Variants in ARHGEF11 observed in about 807,000 individuals in gnomAD.
The protein encoded by ARHGEF11 is Rho guanine nucleotide exchange factor 11, also known as Rho guanine exchange factor (GEF) 11.
Under a neutral mutation model 193.7 loss-of-function variants are expected in ARHGEF11, and 55 were observed. That is an observed-to-expected ratio of 0.28 (90% CI 0.23 to 0.36). The LOEUF (loss-of-function observed/expected upper bound fraction) is 0.36. ARHGEF11 is among the 10% of genes least tolerant of loss of function. The pLI is 1.00. For synonymous variants in ARHGEF11, 693 were observed against 768.0 expected (o/e 0.90, Z 1.62); for missense variants, 1,723 against 2,005.6 (o/e 0.86, Z 2.69).
Position 156,944,511 on chromosome 1 carries a change from C to T in ARHGEF11, c.2992-78G>A, listed in dbSNP as rs1657759892. 2.1e-5 allele frequency: 31 copies of T among 1,476,502 alleles called. No homozygotes were observed. In the South Asian group the frequency reaches 3.5e-4, roughly 17 times the overall value. The allele number at this position is 1,476,502 out of a possible 1,614,324, so 91.5% of individuals were successfully genotyped here. ...GTTTGAGAGCCTACTGTGTGCCAGACATTGTGTTAAGGTGCTGGGAATTGG... is the reference window on the plus strand; with the variant it reads ...GTTTGAGAGCCTACTGTGTGCCAGATATTGTGTTAAGGTGCTGGGAATTGG... On this transcript the variant is annotated intron_variant, in intron 30 of 40. Transcript: ENST00000368194.
At chr1:156,992,603 A>G (rs955673513) in intron 1 of ARHGEF11, among the ~76,000 whole-genome samples, 4 of 146,986 alleles carry the variant, frequency 2.7e-5, no homozygotes, top group African/African-American at 5.0e-5. Flanking sequence ...GTGTATATAT[A>G]TGTGTGTGTG....
chr1:156,951,231 C>A (rs1286027865), intron 22 of ARHGEF11, among the ~76,000 whole-genome samples: 1 of 152,228 alleles, frequency 6.6e-6, no homozygotes, highest in Non-Finnish European at 1.5e-5. Context: ...CCACTATAGT[C>A]TTCCTTATCC....
At chr1:156,989,011 G>T (rs1665340473) in intron 1 of ARHGEF11, among the ~76,000 whole-genome samples, 1 of 152,096 alleles carries the variant, frequency 6.6e-6, no homozygotes, top group African/African-American at 2.4e-5. Context: ...GGGTAGTTTG[G>T]CCTGAAATGG....
intron 1 of ARHGEF11, among the ~76,000 whole-genome samples, chr1:157,013,306 A>C (rs1668800843): frequency 2.5e-5 from 1 of 40,466 alleles, no homozygotes; most frequent in Non-Finnish European, 7.0e-5. Context: ...CACACCAAGA[A>C]CCTTCTCCGG....
chr1:156,956,931 A>G (rs1223924258), intron 18 of ARHGEF11, among the ~76,000 whole-genome samples: 1 of 152,166 alleles, frequency 6.6e-6, no homozygotes, highest in Non-Finnish European at 1.5e-5. Flanking sequence ...GATGTGGAGG[A>G]CTGGCTGAGG....
In ARHGEF11 at chr1:156,963,552, C is replaced by T. The variant is rs1369189179; in HGVS notation, c.1006G>A (p.Glu336Lys). The T allele has an allele frequency of 1.2e-5, 19 of 1,614,078 alleles. No individual in the cohort carries two copies. The highest frequency in any genetic ancestry group is 1.3e-5 in the Non-Finnish European group (15 of 1,180,000). Residue 336 changes from glutamate to lysine, a missense_variant, in exon 12 of 41, where the codon GAA becomes AAA. Glu to Lys is a moderately conservative substitution (Grantham distance 56). Transcript: ENST00000368194. ...SPKPLIIGPEEDYDPGYFNNE... is the reference protein window; with the variant it reads ...SPKPLIIGPEKDYDPGYFNNE... ...TTGAAATAACCCGGGTCATAGTCTTCCTCTGGGCCAATAATTAAAGGCTTT... is the reference window on the plus strand; with the variant it reads ...TTGAAATAACCCGGGTCATAGTCTTTCTCTGGGCCAATAATTAAAGGCTTT...
At position 157,021,942 on chromosome 1, in the gene ARHGEF11, C is replaced by T. The variant is rs539453831; in HGVS notation, c.32+22357G>A. On this transcript the variant is annotated intron_variant, in intron 1 of 40. Coordinates refer to ENST00000368194, the MANE Select transcript of ARHGEF11 (RefSeq NM_198236.3). ...CATACTATATTAAGAGATTGAAGAA[C>T]AAAACCATGATCATCTCAATAGATG... Among the ~76,000 whole-genome samples, 4 of 152,258 alleles carry T rather than the reference C, an allele frequency of 2.6e-5. No homozygotes were observed. The South Asian group carries it at 8.3e-4, about 32-fold the overall frequency.
rs576478602 is a variant in ARHGEF11, at chr1:157,037,671, C to T, written c.32+6628G>A. Among the ~76,000 whole-genome samples, 3 of 152,254 alleles carry T rather than the reference C, an allele frequency of 2.0e-5. No homozygotes were observed. The South Asian group carries it at 6.2e-4, about 32-fold the overall frequency. On this transcript the variant is annotated intron_variant, in intron 1 of 40. Transcript: ENST00000368194. Reference sequence around the variant, plus strand: ...TAAATGTACCTTTTGGTGTACATAACGATTCAGCAATTATGTACCATCTTT... The same window carrying T: ...TAAATGTACCTTTTGGTGTACATAATGATTCAGCAATTATGTACCATCTTT...
chr1:157,035,793 A>AATAT (rs199990098), intron 1 of ARHGEF11, among the ~76,000 whole-genome samples: 13 of 124,158 alleles, frequency 1.0e-4, no homozygotes, highest in Non-Finnish European at 1.6e-4. Context: ...TATATATAGG[A>AATAT]ATATATATAC....
At chr1:157,032,398 C>A (rs1671414241) in intron 1 of ARHGEF11, among the ~76,000 whole-genome samples, 1 of 152,206 alleles carries the variant, frequency 6.6e-6, no homozygotes, top group Admixed American at 6.5e-5. Context: ...TCTGGAAGCA[C>A]AGAATGCCAG....
rs1340604437 is a variant in ARHGEF11 at position 156,940,387 on chromosome 1, C to G, written c.3553G>C (p.Val1185Leu). 1 of 1,612,402 alleles carries G rather than the reference C, an allele frequency of 6.2e-7. No homozygotes were observed. Among genetic ancestry groups the G allele is most frequent in the East Asian group, 2.2e-5 (1 of 44,842 alleles). Residue 1185 changes from valine to leucine, a missense_variant, in exon 36 of 41, where the codon GTC (valine) becomes CTC (leucine). Val to Leu is a conservative substitution (Grantham distance 32). This residue lies in a region of ARHGEF11 where 203 missense variants were observed against 237.3 expected (regional missense o/e 0.86). Transcript: ENST00000368194. Reference protein sequence around the residue: ...SQQRVQGKHQVLLEDPEQEGS... With the variant: ...SQQRVQGKHQLLLEDPEQEGS... ...TCCTGCTCAGGGTCCTCTAGCAGGACCTGGTGCTTCCCTTGGACCCTCTGC... is the reference window on the plus strand; with the variant it reads ...TCCTGCTCAGGGTCCTCTAGCAGGAGCTGGTGCTTCCCTTGGACCCTCTGC...
chr1:156,945,273 A>G, intron 29 of ARHGEF11, 76 bp from the exon 30 acceptor site: 2 of 1,503,704 alleles, frequency 1.3e-6, no homozygotes, highest in Non-Finnish European at 1.8e-6. Context: ...TTATCTGCCT[A>G]TTCATCCATG....
At position 156,939,484 on chromosome 1, in the gene ARHGEF11, C is replaced by G. The variant is rs115935778; in HGVS notation, c.4096+64G>C. On this transcript the variant is annotated intron_variant, in intron 37 of 40. Coordinates refer to ENST00000368194, the MANE Select transcript of ARHGEF11 (RefSeq NM_198236.3). ...GAGTATAGGGAAGGAAGCAGCTGTTCGGAAGACTTATCTCACCTAGCAAGG... is the reference window on the plus strand; with the variant it reads ...GAGTATAGGGAAGGAAGCAGCTGTTGGGAAGACTTATCTCACCTAGCAAGG... The G allele has an allele frequency of 6.9e-6, 11 of 1,597,362 alleles. No homozygotes were observed. In the East Asian group the frequency reaches 2.5e-4, roughly 36 times the overall value.
chr1:156,998,206 C>G lies in ARHGEF11; in HGVS notation c.33-12033G>C, dbSNP rs981017647. Among the ~76,000 whole-genome samples, 4 of 152,318 alleles carry G rather than the reference C, an allele frequency of 2.6e-5. No individual in the cohort carries two copies. The South Asian group carries it at 8.3e-4, about 32-fold the overall frequency. The stretch of plus-strand genomic sequence containing the variant: ...CCCGGCTCTGAGGGCACCATCTTCA[C>G]CCCTTAGTAGAACAATCCAGCACTG... On this transcript the variant is annotated intron_variant, in intron 1 of 40. Transcript: ENST00000368194.
chr1:157,043,080 G>A (rs1274680778), intron 1 of ARHGEF11, among the ~76,000 whole-genome samples: 1 of 152,162 alleles, frequency 6.6e-6, no homozygotes, highest in African/African-American at 2.4e-5. Flanking sequence ...GGGACTCTGA[G>A]GCAATACAGA....
chr1:157,006,225 G>A (rs1377264533), intron 1 of ARHGEF11, among the ~76,000 whole-genome samples: 1 of 151,982 alleles, frequency 6.6e-6, no homozygotes. Flanking sequence ...TCCTGCCTTA[G>A]ACTCCCAAAG....
At position 156,978,306 on chromosome 1, in the gene ARHGEF11, T is replaced by G; in HGVS notation, c.408A>C (p.Pro136=). Residue 136 remains proline, a synonymous_variant, in exon 6 of 41, where the codon CCA becomes CCC. Coordinates refer to ENST00000368194, the MANE Select transcript of ARHGEF11 (RefSeq NM_198236.3). ...TGATTCGGGGAGCTCCTGCTGGGGA[T>G]GGGTCCTGCTGGAGCCCAGAGATGC... ...SMGISGLQQD[P]SPAGAPRITS... 3 of 1,614,036 alleles carry G rather than the reference T, an allele frequency of 1.9e-6. No individual in the cohort carries two copies. The highest frequency in any genetic ancestry group is 2.5e-6 in the Non-Finnish European group (3 of 1,179,990).
intron 13 of ARHGEF11, among the ~76,000 whole-genome samples, chr1:156,962,748 G>T (rs905226368): frequency 2.6e-5 from 4 of 151,764 alleles, no homozygotes; most frequent in Admixed American, 2.6e-4. Context: ...GCATGGTGAC[G>T]GGCGCCTGTA....
intron 1 of ARHGEF11, among the ~76,000 whole-genome samples, chr1:157,017,706 CAAAAAAAA>C (rs1047573559): frequency 2.4e-5 from 1 of 41,550 alleles, no homozygotes; most frequent in African/African-American, 8.0e-5. Flanking sequence ...GACTCCGTCT[CAAAAAAAA>C]AAAAAAAAAA....
Sources: allele counts gnomAD v4.1 joint callset (sites outside exome capture counted in the v4.1 genomes callset), GRCh38; gene constraint gnomAD v4.1.1; regional missense constraint gnomAD v4.1.1; transcripts MANE v1.5; gene names NCBI Gene and HGNC (gene_info 2026-07-23, HGNC 2026-07-21).